Variants in ATP11C observed in about 807,000 individuals in gnomAD.
ATP11C encodes the protein phospholipid-transporting ATPase IG.
Under a neutral mutation model 97.4 loss-of-function variants are expected in ATP11C, and 36 were observed. That is an observed-to-expected ratio of 0.37 (90% CI 0.28 to 0.49). The LOEUF is 0.49. Among genes scored for constraint, ATP11C ranks in the 20% least tolerant of loss-of-function variants. ATP11C has a pLI of 0.98. For missense variants in ATP11C, 730 were observed against 824.6 expected (o/e 0.89, Z 1.40); for synonymous variants, 275 against 290.9 (o/e 0.95, Z 0.56).
chrX:139,745,674 C>T (rs769828730), intron 25 of ATP11C, 48 bp downstream of exon 25: 1 of 1,161,811 alleles, frequency 8.6e-7, no homozygotes, highest in Non-Finnish European at 1.2e-6. Flanking sequence ...GGGAAAAAGA[C>T]AAGCCATGCT....
Position 139,727,089 on chromosome X carries a change from A to C in ATP11C, c.*1877T>G, listed in dbSNP as rs1220780930. 1 of 111,699 alleles carries C rather than the reference A, an allele frequency of 9.0e-6. No individual in the cohort carries two copies. Among genetic ancestry groups the C allele is most frequent in the Non-Finnish European group, 1.9e-5 (1 of 53,030 alleles). 9.2% of individuals were successfully genotyped at this position (111,699 alleles called of 1,213,427 possible). On this transcript the variant is annotated 3_prime_UTR_variant, in exon 30 of 30. Coordinates refer to ENST00000682941, the MANE Select transcript of ATP11C (RefSeq NM_001353812.2). The stretch of plus-strand genomic sequence containing the variant: ...GCTGGAAGGAATTTTACATGCAACC[A>C]GTTATTTTTCTACTAGATTATTCTG...
intron 1 of ATP11C, among the ~76,000 whole-genome samples, chrX:139,870,728 G>A (rs1192395826): frequency 8.9e-6 from 1 of 112,283 alleles, no homozygotes; most frequent in Non-Finnish European, 1.9e-5. Flanking sequence ...AAACTAAATT[G>A]AATATTAAGA....
intron 5 of ATP11C, among the ~76,000 whole-genome samples, chrX:139,809,865 C>T (rs1262611673): frequency 9.0e-6 from 1 of 110,849 alleles, no homozygotes; most frequent in Non-Finnish European, 1.9e-5. Context: ...ACTTGGGAGG[C>T]TGAGGCAGGA....
intron 1 of ATP11C, among the ~76,000 whole-genome samples, chrX:139,878,035 AAAAC>A (rs2084504459): frequency 1.8e-5 from 2 of 112,015 alleles, no homozygotes; most frequent in South Asian, 7.5e-4. Context: ...CAAAGAGGAA[AAAAC>A]AAACAAAAAA....
intron 18 of ATP11C, among the ~76,000 whole-genome samples, chrX:139,780,654 G>A (rs1348086977): frequency 9.0e-6 from 1 of 111,482 alleles, no homozygotes; most frequent in Non-Finnish European, 1.9e-5. Context: ...GAACAAGACA[G>A]GGATATCCAC....
chrX:139,781,821 T>C (rs745790914), intron 18 of ATP11C, among the ~76,000 whole-genome samples: 3 of 112,389 alleles, frequency 2.7e-5, no homozygotes, highest in Admixed American at 9.4e-5. Flanking sequence ...TGTTGTTCAC[T>C]CTACCTTAAA....
At chrX:139,861,006 A>T (rs1004231726) in intron 1 of ATP11C, among the ~76,000 whole-genome samples, 20 of 111,697 alleles carry the variant, frequency 1.8e-4, no homozygotes, top group South Asian at 3.8e-4. Context: ...AAGCATTTCT[A>T]CGCCCCAATG....
At position 139,757,794 on chromosome X, in the gene ATP11C, C is replaced by T; in HGVS notation, c.2700+14G>A. The T allele has an allele frequency of 1.7e-6, 2 of 1,144,675 alleles. No homozygotes were observed. The highest frequency in any genetic ancestry group is 2.4e-6 in the Non-Finnish European group (2 of 849,050). 94.3% of individuals were successfully genotyped at this position (1,144,675 alleles called of 1,213,427 possible). On this transcript the variant is annotated intron_variant, in intron 23 of 29. Transcript: ENST00000682941. ...ATGTAAACTATATTATAACGAATAA[C>T]TTGAGAAACAAACCTGTTGTGAGAA...
intron 1 of ATP11C, chrX:139,832,274 C>T (rs2083667783): frequency 8.6e-7 from 1 of 1,169,576 alleles, no homozygotes; most frequent in Non-Finnish European, 1.1e-6. Flanking sequence ...GTACCAACCC[C>T]TGTGATCCTT....
intron 15 of ATP11C, among the ~76,000 whole-genome samples, chrX:139,786,850 T>C (rs1248299134): frequency 8.9e-6 from 1 of 111,821 alleles, no homozygotes; most frequent in Non-Finnish European, 1.9e-5. Flanking sequence ...AGCAGAAGGT[T>C]TCACATATAT....
chrX:139,936,677 G>T (rs750714309), upstream of ATP11C, among the ~76,000 whole-genome samples: 1 of 111,205 alleles, frequency 9.0e-6, no homozygotes, highest in Non-Finnish European at 1.9e-5. Context: ...TTACCCAGGA[G>T]CTCTTCTTCC....
At chrX:139,903,380 C>A (rs5954998) in intron 1 of ATP11C, among the ~76,000 whole-genome samples, 6,364 of 109,189 alleles carry the variant, frequency 0.058, 445 homozygotes, top group African/African-American at 0.2. Flanking sequence ...TGCAAGGGTC[C>A]CACCCTATAC....
At chrX:139,874,896 G>T (rs2084443821) in intron 1 of ATP11C, among the ~76,000 whole-genome samples, 2 of 111,271 alleles carry the variant, frequency 1.8e-5, no homozygotes, top group Admixed American at 9.5e-5. Flanking sequence ...TAGCAGGTGG[G>T]GCATGAATCT....
chrX:139,887,609 C>T (rs372647562), intron 1 of ATP11C, among the ~76,000 whole-genome samples: 18 of 110,295 alleles, frequency 1.6e-4, no homozygotes, highest in African/African-American at 5.9e-4. Context: ...GGTGACAGAA[C>T]AAGGCCCTGT....
rs145249601 is a variant in ATP11C at position 139,874,272 on chromosome X, C to G, written c.28-47449G>C. Among the ~76,000 whole-genome samples the G allele has an allele frequency of 3.1e-3, 300 of 97,016 alleles. 1 individual carries two copies. Among genetic ancestry groups the G allele is most frequent in the African/African-American group, 0.011 (279 of 25,521 alleles). The allele number at this position is 97,016 out of a possible 115,157, so 84.2% of individuals were successfully genotyped here. A position where few individuals can be genotyped will look rare whatever the true frequency, so the allele number is the denominator to read the frequency against. ...ACAGGGTTTCACCATGTTGGCCAGA[C>G]TGGTCTCGAACTCCTGACCTCAGGT... On this transcript the variant is annotated intron_variant, in intron 1 of 29. Transcript: ENST00000682941.
chrX:139,852,860 AAG>A (rs919362543), intron 1 of ATP11C, among the ~76,000 whole-genome samples: 19 of 111,173 alleles, frequency 1.7e-4, no homozygotes, highest in Admixed American at 1.2e-3. Flanking sequence ...CAGAGGGGAA[AAG>A]GGGGGAAACA....
At chrX:139,900,153 G>A (rs2084874233) in intron 1 of ATP11C, among the ~76,000 whole-genome samples, 1 of 110,997 alleles carries the variant, frequency 9.0e-6, no homozygotes, top group East Asian at 2.8e-4. Context: ...GGTGGATCAC[G>A]AAGTCGAGAG....
intron 18 of ATP11C, among the ~76,000 whole-genome samples, chrX:139,778,054 G>A (rs1333829072): frequency 1.8e-5 from 2 of 110,322 alleles, no homozygotes; most frequent in African/African-American, 3.3e-5. Flanking sequence ...ATGGAGTCTC[G>A]CTATGCTGCC....
rs763061221 is a variant in ATP11C at position 139,920,293 on chromosome X, G to A, written c.27+11723C>T. On this transcript the variant is annotated intron_variant, in intron 1 of 29. Coordinates refer to ENST00000682941, the MANE Select transcript of ATP11C (RefSeq NM_001353812.2). ...AATCGCTTGAACCCAGGAGGCACAGGTTGCAGTGAGCCGAGATCATACCAC... is the reference window on the plus strand; with the variant it reads ...AATCGCTTGAACCCAGGAGGCACAGATTGCAGTGAGCCGAGATCATACCAC... Among the ~76,000 whole-genome samples, 5 of 106,854 alleles carry A rather than the reference G, an allele frequency of 4.7e-5. No individual in the cohort carries two copies. The South Asian group carries it at 2.2e-3, about 46-fold the overall frequency. The allele number at this position is 106,854 out of a possible 115,157, so 92.8% of individuals were successfully genotyped here.
Sources: gnomAD v4.1 joint callset for allele counts (sites outside exome capture counted in the v4.1 genomes callset) on GRCh38, gnomAD v4.1.1 for gene constraint, MANE v1.5 for transcripts, NCBI Gene and HGNC (gene_info 2026-07-23, HGNC 2026-07-21) for gene names.